Variants in ISM1 observed in about 807,000 individuals in gnomAD.
ISM1 encodes isthmin-1.
In ISM1, 25 loss-of-function variants were observed where a neutral mutation model predicts 46.3. The observed-to-expected ratio is 0.54, with a 90% CI of 0.39 to 0.75. The LOEUF (loss-of-function observed/expected upper bound fraction) is 0.75. ISM1 is among the 30% of genes least tolerant of loss of function. ISM1 has a pLI of 0.00. For missense variants in ISM1, 536 were observed against 625.4 expected, an observed-to-expected ratio of 0.86 and a Z score of 1.52; for synonymous variants, 255 against 256.7, an observed-to-expected ratio of 0.99 and a Z score of 0.06.
chr20:13,251,019 G>A (rs991158419), intron 1 of ISM1, among the ~76,000 whole-genome samples: 1 of 152,090 alleles, frequency 6.6e-6, no homozygotes, highest in Non-Finnish European at 1.5e-5. Flanking sequence ...TATAACTTAT[G>A]ACCATTGATT....
At chr20:13,283,907 G>A (rs17191004) in intron 3 of ISM1, among the ~76,000 whole-genome samples, 25,405 of 152,034 alleles carry the variant, frequency 0.17, 2,225 homozygotes, top group East Asian at 0.23. Flanking sequence ...ACGTAAGAGC[G>A]TATCTTAAAG....
At chr20:13,267,818 AC>A (rs1049215875) in intron 1 of ISM1, among the ~76,000 whole-genome samples, 18 of 152,174 alleles carry the variant, frequency 1.2e-4, no homozygotes, top group African/African-American at 4.1e-4. Context: ...CTCATTTTTA[AC>A]CTAATTAAAC....
chr20:13,324,264 A>G, the ISM1 span, among the ~76,000 whole-genome samples: 1 of 152,248 alleles, frequency 6.6e-6, no homozygotes, highest in Non-Finnish European at 1.5e-5. Flanking sequence ...GTAAGGGAAC[A>G]GAAGATGACA....
intron 1 of ISM1, among the ~76,000 whole-genome samples, chr20:13,265,595 G>A (rs527775215): frequency 2.2e-4 from 33 of 152,164 alleles, no homozygotes; most frequent in African/African-American, 6.7e-4. Flanking sequence ...TGCCTTCCCC[G>A]CCCAAGCTCT....
At chr20:13,310,698 T>C in the ISM1 span, among the ~76,000 whole-genome samples, 1 of 151,948 alleles carries the variant, frequency 6.6e-6, no homozygotes, top group African/African-American at 2.4e-5. Flanking sequence ...CCGAAATACA[T>C]AAAAAACTCA....
At chr20:13,305,199 TAAAAAAAA>T (rs5840562), downstream of ISM1, among the ~76,000 whole-genome samples, 1 of 137,492 alleles carries the variant, frequency 7.3e-6, no homozygotes, top group African/African-American at 2.8e-5. Context: ...GTTGAGTTGT[TAAAAAAAA>T]AAAAAAAAAA....
At chr20:13,311,108 C>A in the ISM1 span, among the ~76,000 whole-genome samples, 1 of 152,084 alleles carries the variant, frequency 6.6e-6, no homozygotes, top group East Asian at 1.9e-4. Flanking sequence ...GTGGGAGAAT[C>A]ACTTGAACCC....
intron 1 of ISM1, among the ~76,000 whole-genome samples, chr20:13,226,659 T>C (rs1337137874): frequency 1.3e-5 from 2 of 152,230 alleles, no homozygotes; most frequent in Non-Finnish European, 2.9e-5. Flanking sequence ...ATTTGTCTGA[T>C]AGTTGGTGCT....
chr20:13,261,260 A>T (rs1358592001), intron 1 of ISM1, among the ~76,000 whole-genome samples: 1 of 151,992 alleles, frequency 6.6e-6, no homozygotes, highest in East Asian at 1.9e-4. Flanking sequence ...CTAAAAATAT[A>T]AAAAATTAGC....
intron 1 of ISM1, among the ~76,000 whole-genome samples, chr20:13,224,049 G>GC (rs1307909672): frequency 6.6e-6 from 1 of 151,996 alleles, no homozygotes; most frequent in African/African-American, 2.4e-5. Flanking sequence ...CTGAAGAACT[G>GC]CCCCAAGAGG....
At chr20:13,238,073 T>A (rs544561898) in intron 1 of ISM1, 5 of 152,142 alleles carry the variant, frequency 3.3e-5, no homozygotes, top group Non-Finnish European at 5.9e-5. Context: ...ATATATCTTC[T>A]TTATAGGACA....
intron 1 of ISM1, among the ~76,000 whole-genome samples, chr20:13,257,512 T>G (rs1184808216): frequency 1.3e-5 from 2 of 152,184 alleles, no homozygotes; most frequent in African/African-American, 2.4e-5. Context: ...ACCCACTGAA[T>G]AGCTCTCATG....
intron 1 of ISM1, among the ~76,000 whole-genome samples, chr20:13,233,931 C>A (rs910600135): frequency 6.6e-6 from 1 of 152,126 alleles, no homozygotes; most frequent in Admixed American, 6.5e-5. Flanking sequence ...GAGTTTTAAG[C>A]CATGCCCAGA....
At chr20:13,289,823 A>G (rs2040334032) in intron 4 of ISM1, among the ~76,000 whole-genome samples, 1 of 152,212 alleles carries the variant, frequency 6.6e-6, no homozygotes, top group Non-Finnish European at 1.5e-5. Flanking sequence ...CAGGTAGAAT[A>G]CCAGCCTAAA....
At chr20:13,325,998 G>A in the ISM1 span, among the ~76,000 whole-genome samples, 2 of 151,572 alleles carry the variant, frequency 1.3e-5, no homozygotes, top group East Asian at 1.9e-4. Flanking sequence ...TCCCAACTCC[G>A]GGTAACCACT....
At chr20:13,269,649 CTTG>C (rs1333814909) in intron 1 of ISM1, among the ~76,000 whole-genome samples, 1 of 152,158 alleles carries the variant, frequency 6.6e-6, no homozygotes, top group Non-Finnish European at 1.5e-5. Flanking sequence ...GCCACCTTCT[CTTG>C]TTAAGATCTT....
intron 1 of ISM1, chr20:13,244,253 A>G (rs189829924): frequency 6.6e-6 from 1 of 152,302 alleles, no homozygotes; most frequent in Non-Finnish European, 1.5e-5. Context: ...AGGAGACTTG[A>G]TTCAAAACAG....
intron 1 of ISM1, among the ~76,000 whole-genome samples, chr20:13,241,611 C>T (rs1568666466): frequency 6.6e-6 from 1 of 152,148 alleles, no homozygotes; most frequent in Admixed American, 6.5e-5. Context: ...CATCTCATGA[C>T]TCCTGTTCCA....
chr20:13,299,255 C>CCCTT lies in ISM1; in HGVS notation c.1191_1192insCCTT (p.Lys398ProfsTer2), dbSNP rs2040436746. On this transcript the variant is annotated frameshift_variant, in exon 6 of 6. Transcript: ENST00000262487. LOFTEE classifies it high-confidence loss of function. This position sits in a 1 kb window ranked among gnomAD's most constrained non-coding sequence, Gnocchi z 5.8. Reference sequence around the variant, plus strand: ...ACAACATGCAGCTCATCACCAGGGGCAAGGGGGCGGGCACGCCCAACCTCA... The same window carrying CCCTT: ...ACAACATGCAGCTCATCACCAGGGGCCCTTAAGGGGGCGGGCACGCCCAACCTCA... 6.2e-7 allele frequency: 1 copy of CCCTT among 1,605,842 alleles called. No homozygotes were observed. The highest frequency in any genetic ancestry group is 8.5e-7 in the Non-Finnish European group (1 of 1,176,064).
Sources: allele counts gnomAD v4.1 joint callset (sites outside exome capture counted in the v4.1 genomes callset), GRCh38; gene constraint gnomAD v4.1.1; non-coding constraint Gnocchi (gnomAD v3.1); transcripts MANE v1.5; gene names NCBI Gene and HGNC (gene_info 2026-07-23, HGNC 2026-07-21).